Variants in VPS13B observed in about 807,000 individuals in gnomAD.
VPS13B encodes the protein vacuolar protein sorting 13 homolog B, also known as intermembrane lipid transfer protein VPS13B.
VPS13B carries 285 observed loss-of-function variants against 426.4 expected under a neutral mutation model. The observed-to-expected ratio is 0.67, with a 90% confidence interval of 0.61 to 0.74. The LOEUF (loss-of-function observed/expected upper bound fraction) is 0.74, where lower values mean the gene tolerates loss of function less well. Ranked by LOEUF, VPS13B falls within the 30% of genes least tolerant of loss-of-function variation. VPS13B has a pLI of 0.00. For synonymous variants in VPS13B, 1,676 were observed against 1,676.4 expected (o/e 1.00, Z 0.01); for missense variants, 4,537 against 4,782.6 (o/e 0.95, Z 1.51).
intron 3 of VPS13B, among the ~76,000 whole-genome samples, chr8:99,039,286 C>T (rs1842873360): frequency 6.6e-6 from 1 of 152,066 alleles, no homozygotes; most frequent in Admixed American, 6.5e-5. Flanking sequence ...TATATTTACA[C>T]CAAATTTTAT....
In VPS13B at chr8:99,803,440, G is replaced by A. The variant is rs1465564547; in HGVS notation, c.7942-5935G>A. On this transcript the variant is annotated intron_variant, in intron 43 of 61. Transcript: ENST00000357162. Reference sequence around the variant, plus strand: ...TGAATGATTTAGAAAGGCTTTCTCAGTTGAGCTTACTTTCTCTTTTTCTTT... The same window carrying A: ...TGAATGATTTAGAAAGGCTTTCTCAATTGAGCTTACTTTCTCTTTTTCTTT... Among the ~76,000 whole-genome samples the A allele has an allele frequency of 2.6e-5, 4 of 152,170 alleles. No homozygotes were observed. In the East Asian group the frequency reaches 7.7e-4, roughly 29 times the overall value.
intron 17 of VPS13B, among the ~76,000 whole-genome samples, chr8:99,257,615 A>G (rs73285954): frequency 0.018 from 2,789 of 152,216 alleles, 65 homozygotes; most frequent in African/African-American, 0.058. Context: ...TGTCTTTATT[A>G]TGACTTCTTT....
intron 33 of VPS13B, among the ~76,000 whole-genome samples, chr8:99,616,045 G>T (rs1828072101): frequency 1.3e-5 from 2 of 152,196 alleles, no homozygotes; most frequent in South Asian, 4.2e-4. Flanking sequence ...AGATTCAGTA[G>T]GTCTGGAGAA....
intron 33 of VPS13B, among the ~76,000 whole-genome samples, chr8:99,616,176 G>A (rs562018872): frequency 2.0e-5 from 3 of 152,076 alleles, no homozygotes; most frequent in African/African-American, 7.2e-5. Flanking sequence ...TACCATTTTG[G>A]CAGGGAGAGG....
chr8:99,051,089 A>G (rs1350759456), intron 3 of VPS13B, among the ~76,000 whole-genome samples: 1 of 152,200 alleles, frequency 6.6e-6, no homozygotes, highest in Admixed American at 6.5e-5. Flanking sequence ...GGTGTTTTAG[A>G]CATGAAGTCC....
chr8:99,786,347 TA>T (rs1812264664), intron 43 of VPS13B, among the ~76,000 whole-genome samples: 1 of 152,178 alleles, frequency 6.6e-6, no homozygotes, highest in South Asian at 2.1e-4. Context: ...ATAGAAATGT[TA>T]AGTTAGGTAG....
rs772535120 is a variant in VPS13B at position 99,853,746 on chromosome 8, C to A, written c.10357C>A (p.Pro3453Thr). ...VLVCQGEKAEPIQCSKMQSLL... is the reference protein window; with the variant it reads ...VLVCQGEKAETIQCSKMQSLL... ...AGTCTGCCAGGGAGAAAAAGCAGAA[C>A]CCATTCAGTGTTCCAAAATGCAGAG... The change falls in exon 56 of 62, where the codon CCC (proline) becomes ACC (threonine). Residue 3453 changes from proline to threonine, a missense_variant. Pro to Thr is a conservative substitution (Grantham distance 38). Transcript: ENST00000357162. 1.9e-6 allele frequency: 3 copies of A among 1,614,060 alleles called. No homozygotes were observed. In the African/African-American group the frequency reaches 4.0e-5, roughly 22 times the overall value.
chr8:99,574,096 C>A (rs1588508583), intron 31 of VPS13B, among the ~76,000 whole-genome samples: 1 of 152,194 alleles, frequency 6.6e-6, no homozygotes, highest in East Asian at 1.9e-4. Context: ...ATTTGGCTCT[C>A]TGTTTGTCTG....
intron 19 of VPS13B, among the ~76,000 whole-genome samples, chr8:99,324,079 G>C (rs1171937888): frequency 2.0e-5 from 3 of 152,174 alleles, no homozygotes; most frequent in South Asian, 4.1e-4. Context: ...TCTTGCGGGA[G>C]GTCTTTGTAG....
chr8:99,340,950 C>T (rs1811209441), intron 19 of VPS13B: 1 of 280,478 alleles, frequency 3.6e-6, no homozygotes, highest in Non-Finnish European at 7.5e-6. Context: ...AGAGAGCTCC[C>T]CCTGGCTCAT....
At chr8:99,431,767 G>A (rs1588372757) in intron 22 of VPS13B, 103 bp downstream of exon 22, 1 of 1,177,658 alleles carries the variant, frequency 8.5e-7, no homozygotes, top group East Asian at 2.6e-5. Context: ...TAACAATTAT[G>A]TATACCATCT....
At chr8:99,270,129 A>ATTTT (rs1370378172) in intron 17 of VPS13B, among the ~76,000 whole-genome samples, 14 of 16,822 alleles carry the variant, frequency 8.3e-4, no homozygotes, top group African/African-American at 1.5e-3. Flanking sequence ...AGATATAAGA[A>ATTTT]TCTTTTTTTT....
rs1043573379 is a variant in VPS13B at position 99,297,022 on chromosome 8, GA to G, written c.2824+21769del. On this transcript the variant is annotated intron_variant, in intron 19 of 61. Transcript: ENST00000357162. ...TTTGTGTATTTATATATATATATAT[GA>G]GGGGGAGGGATTTTTTGAAGACATC... is the stretch of plus-strand genomic sequence containing the variant. Among the ~76,000 whole-genome samples, 957 of 152,076 alleles carry G rather than the reference GA, an allele frequency of 6.3e-3. 8 individuals are homozygous for G. Among genetic ancestry groups the G allele is most frequent in the African/African-American group, 0.022 (898 of 41,460 alleles).
intron 39 of VPS13B, among the ~76,000 whole-genome samples, chr8:99,727,929 T>G (rs1207010123): frequency 6.6e-6 from 1 of 152,230 alleles, no homozygotes; most frequent in East Asian, 1.9e-4. Context: ...TGGAAATGAA[T>G]GTAGCAGCTG....
chr8:99,432,642 A>C (rs190557537), intron 22 of VPS13B, among the ~76,000 whole-genome samples: 2 of 152,214 alleles, frequency 1.3e-5, no homozygotes, highest in Non-Finnish European at 2.9e-5. Flanking sequence ...TACTTTATTT[A>C]AAGTGGGAAG....
chr8:99,159,078 AG>A lies in VPS13B; in HGVS notation c.2208+2336del, dbSNP rs1446652186. ...CTATTTACATTAACAAGAGTTTGGA[AG>A]AAGTTGATTTCAGTCCTCATGGATT... On this transcript the variant is annotated intron_variant, in intron 15 of 61. Transcript: ENST00000357162. Among the ~76,000 whole-genome samples the A allele has an allele frequency of 1.3e-5, 2 of 152,336 alleles. 1 individual carries two copies. Among genetic ancestry groups the A allele is most frequent in the Admixed American group, 1.3e-4 (2 of 15,306 alleles).
chr8:99,231,242 G>A (rs1816307399), intron 17 of VPS13B, among the ~76,000 whole-genome samples: 2 of 152,054 alleles, frequency 1.3e-5, no homozygotes, highest in Non-Finnish European at 2.9e-5. Flanking sequence ...GAGATTGACA[G>A]TTAACACAAA....
chr8:99,832,249 G>T, intron 51 of VPS13B, 120 bp from the exon 52 acceptor site: 1 of 1,358,876 alleles, frequency 7.4e-7, no homozygotes, highest in Non-Finnish European at 9.7e-7. Flanking sequence ...GTGATGGAGT[G>T]AGACTGTCTC....
chr8:99,088,824 C>T (rs1845984598), intron 3 of VPS13B, among the ~76,000 whole-genome samples: 1 of 152,190 alleles, frequency 6.6e-6, no homozygotes, highest in Non-Finnish European at 1.5e-5. Context: ...TGATATTTCA[C>T]TGCTCTCTAT....
Sources: allele counts gnomAD v4.1 joint callset (sites outside exome capture counted in the v4.1 genomes callset), GRCh38; gene constraint gnomAD v4.1.1; transcripts MANE v1.5; gene names NCBI Gene and HGNC (gene_info 2026-07-23, HGNC 2026-07-21).